Variants in GCDH observed in about 807,000 individuals in gnomAD.
GCDH encodes the protein glutaryl-CoA dehydrogenase.
Under a neutral mutation model 52.8 loss-of-function variants are expected in GCDH, and 31 were observed. The observed-to-expected ratio is 0.59, with a 90% CI of 0.44 to 0.79. GCDH has a LOEUF of 0.79. Ranked by LOEUF, GCDH falls within the 30% of genes least tolerant of loss-of-function variation. The pLI is 0.00. For missense variants in GCDH, 509 were observed against 595.0 expected (o/e 0.86, Z 1.50); for synonymous variants, 242 against 250.0 (o/e 0.97, Z 0.30).
At chr19:12,899,189 G>T in intron 11 of GCDH, 1 of 692,562 alleles carries the variant, frequency 1.4e-6, no homozygotes, top group Non-Finnish European at 2.5e-6. Context: ...GCTACATTTT[G>T]GGAGTTCAGC....
chr19:12,893,806 G>A, intron 6 of GCDH, 153 bp downstream of exon 6: 1 of 732,420 alleles, frequency 1.4e-6, no homozygotes, highest in Non-Finnish European at 2.4e-6. Context: ...GCTTCACCTG[G>A]AGATCTGATC....
Position 12,892,100 on chromosome 19 carries a change from A to G in GCDH, c.272-16A>G. 2 of 1,614,058 alleles carry G rather than the reference A, an allele frequency of 1.2e-6. No individual in the cohort carries two copies. The highest frequency in any genetic ancestry group is 1.7e-6 in the Non-Finnish European group (2 of 1,179,936). Reference sequence around the variant, plus strand: ...CCTAGGCCTGGGCCTGAATTTGGGCACTGGTCCCTTTGCAGTTTTTCATCG... The same window carrying G: ...CCTAGGCCTGGGCCTGAATTTGGGCGCTGGTCCCTTTGCAGTTTTTCATCG... On this transcript the variant is annotated splice_polypyrimidine_tract_variant and intron_variant, in intron 4 of 11. Transcript: ENST00000222214.
rs2145950197 is a variant in GCDH at position 12,896,025 on chromosome 19, CAG to C, written c.542_543del (p.Glu181AlafsTer6). The C allele has an allele frequency of 1.2e-6, 2 of 1,613,982 alleles. No homozygotes were observed. The highest frequency in any genetic ancestry group is 1.7e-6 in the Non-Finnish European group (2 of 1,179,890). On this transcript the variant is annotated frameshift_variant, in exon 7 of 12. Transcript: ENST00000222214. LOFTEE classifies it high-confidence loss of function. The surrounding 1 kb of genome is among the most constrained non-coding windows in gnomAD (Gnocchi z 5.5). The stretch of plus-strand genomic sequence containing the variant: ...GAGCTCCTGGGCTGCTTCGGGCTCA[CAG>C]AGCCCAACAGCGGAAGTGACCCCAG...
In GCDH at chr19:12,896,873, T is replaced by C. The variant is rs1970692367; in HGVS notation, c.853-37T>C. ...GTTCTGCATAGGCCCTCTTGGTGTC[T>C]CTTGGGTGGGCCTGAGGCGCCATCT... On this transcript the variant is annotated intron_variant, in intron 8 of 11. Coordinates refer to ENST00000222214, the MANE Select transcript of GCDH (RefSeq NM_000159.4). This position sits in a 1 kb window ranked among gnomAD's most constrained non-coding sequence, Gnocchi z 5.5. 5 of 1,467,872 alleles carry C rather than the reference T, an allele frequency of 3.4e-6. No individual in the cohort carries two copies. Among genetic ancestry groups the C allele is most frequent in the Non-Finnish European group, 4.8e-6 (5 of 1,048,342 alleles). The allele number at this position is 1,467,872 out of a possible 1,614,324, so 90.9% of individuals were successfully genotyped here.
chr19:12,898,098 G>T (rs1374367423), intron 11 of GCDH: 2 of 555,898 alleles, frequency 3.6e-6, no homozygotes, highest in Non-Finnish European at 6.5e-6. Context: ...GGGGCTCCCA[G>T]CTCTTTCTCC....
chr19:12,899,016 C>T, intron 11 of GCDH: 1 of 396,814 alleles, frequency 2.5e-6, no homozygotes, highest in Non-Finnish European at 4.7e-6. Flanking sequence ...TAAGAAAGGG[C>T]TTGCTGTGTT....
chr19:12,891,421 G>A, intron 2 of GCDH, 26 bp downstream of exon 2: 2 of 1,614,226 alleles, frequency 1.2e-6, no homozygotes, highest in Non-Finnish European at 1.7e-6. Context: ...GGAGTGTGGA[G>A]GGAAGGAGGG....
At position 12,896,881 on chromosome 19, in the gene GCDH, G is replaced by A; in HGVS notation, c.853-29G>A. On this transcript the variant is annotated intron_variant, in intron 8 of 11. Transcript: ENST00000222214. This position sits in a 1 kb window ranked among gnomAD's most constrained non-coding sequence, Gnocchi z 5.5. ...TAGGCCCTCTTGGTGTCTCTTGGGT[G>A]GGCCTGAGGCGCCATCTCAACCCTA... The A allele has an allele frequency of 6.6e-7, 1 of 1,523,168 alleles. No homozygotes were observed. The highest frequency in any genetic ancestry group is 9.1e-7 in the Non-Finnish European group (1 of 1,098,324). 94.4% of individuals were successfully genotyped at this position (1,523,168 alleles called of 1,614,324 possible).
chr19:12,895,888 G>A, intron 6 of GCDH, 104 bp from the exon 7 acceptor site: 1 of 1,437,542 alleles, frequency 7.0e-7, no homozygotes, highest in Non-Finnish European at 9.7e-7. Flanking sequence ...CTAAAGTGCT[G>A]GGATGACAGG....
chr19:12,898,983 G>A, intron 11 of GCDH: 1 of 324,198 alleles, frequency 3.1e-6, no homozygotes, highest in African/African-American at 2.1e-5. Context: ...CCGATGTGCT[G>A]TCCCTCCTAT....
intron 3 of GCDH, 136 bp downstream of exon 3, chr19:12,891,658 G>A: frequency 6.2e-7 from 1 of 1,606,570 alleles, no homozygotes; most frequent in Non-Finnish European, 8.5e-7. Context: ...AGGCACTAAG[G>A]CAGTGAGTGC....
intron 5 of GCDH, chr19:12,892,453 G>T (rs1327836245): frequency 1.9e-6 from 1 of 536,038 alleles, no homozygotes. Context: ...CACCATGCCT[G>T]GCTAATTTTT....
chr19:12,896,208 C>T lies in GCDH; in HGVS notation c.639C>T (p.Ile213=). 1 of 1,614,168 alleles carries T rather than the reference C, an allele frequency of 6.2e-7. No homozygotes were observed. Among genetic ancestry groups the T allele is most frequent in the Non-Finnish European group, 8.5e-7 (1 of 1,180,028 alleles). The change falls in exon 8 of 12, where the codon ATC becomes ATT. Residue 213 remains isoleucine (I), a synonymous_variant. Transcript: ENST00000222214. This position sits in a 1 kb window ranked among gnomAD's most constrained non-coding sequence, Gnocchi z 5.5. ...TCACCGACTGTTCCATCCCCAGGAT[C>T]ACGAACTCGCCTATGGCCGATCTGT... ...SYTLNGTKTW[I]TNSPMADLFV... is the part of the protein sequence containing the mutation.
Position 12,899,504 on chromosome 19 carries a change from C to T in GCDH, c.1280C>T (p.Ala427Val). ...ATTCACGCCCTGATCCTTGGGAGAGCTATCACGGGAATCCAGGCGTTCACG... is the reference window on the plus strand; with the variant it reads ...ATTCACGCCCTGATCCTTGGGAGAGTTATCACGGGAATCCAGGCGTTCACG... Reference protein sequence around the residue: ...HDIHALILGRAITGIQAFTAS... With the variant: ...HDIHALILGRVITGIQAFTAS... The change falls in exon 12 of 12, where the codon GCT (alanine) becomes GTT (valine). Residue 427 changes from alanine to valine, a missense_variant. Transcript: ENST00000222214. 1 of 1,614,166 alleles carries T rather than the reference C, an allele frequency of 6.2e-7. No individual in the cohort carries two copies. Among genetic ancestry groups the T allele is most frequent in the Non-Finnish European group, 8.5e-7 (1 of 1,180,008 alleles).
intron 2 of GCDH, 25 bp from the exon 3 acceptor site, chr19:12,891,462 T>C: frequency 6.2e-7 from 1 of 1,613,464 alleles, no homozygotes; most frequent in South Asian, 1.1e-5. Context: ...CTTTCCGGGG[T>C]GACTTTCCCG....
intron 5 of GCDH, 139 bp downstream of exon 5, chr19:12,892,317 A>G (rs955315845): frequency 3.7e-6 from 3 of 819,914 alleles, no homozygotes; most frequent in Non-Finnish European, 4.0e-6. Flanking sequence ...CCCCCAACAG[A>G]GTCTGGCTCT....
intron 11 of GCDH, chr19:12,899,139 G>A: frequency 3.4e-6 from 2 of 596,254 alleles, no homozygotes; most frequent in Non-Finnish European, 6.0e-6. Context: ...TGCCAAGGGT[G>A]GGGAGCACGA....
intron 9 of GCDH, 46 bp downstream of exon 9, chr19:12,897,059 TG>T: frequency 6.8e-7 from 1 of 1,475,670 alleles, no homozygotes; most frequent in Non-Finnish European, 9.4e-7. Flanking sequence ...TGGGGCAGCT[TG>T]GGTTTCACTC....
rs376961462 is a variant in GCDH at position 12,891,347 on chromosome 19, C to T, written c.43C>T (p.Pro15Ser). Residue 15 changes from proline (P) to serine (S), a missense_variant, in exon 2 of 12, where the codon CCC becomes TCC. Physicochemically the swap from Pro to Ser is moderately conservative, Grantham distance 74. Transcript: ENST00000222214. The part of the protein sequence containing the change: ...GVSVRLLSRG[P>S]GLHVLRTWVS... ...CTCCGTGCGGCTGCTGAGCCGCGGA[C>T]CCGGCCTGCACGTCCTTCGCACGTG... 2 of 1,612,812 alleles carry T rather than the reference C, an allele frequency of 1.2e-6. No homozygotes were observed. Among genetic ancestry groups the T allele is most frequent in the South Asian group, 1.1e-5 (1 of 91,078 alleles).
Sources: gnomAD v4.1 joint callset for allele counts on GRCh38, gnomAD v4.1.1 for gene constraint, Gnocchi (gnomAD v3.1) non-coding constraint, MANE v1.5 for transcripts, NCBI Gene and HGNC (gene_info 2026-07-23, HGNC 2026-07-21) for gene names.